SLCO1A2: variants seen among roughly 807,000 people sequenced by gnomAD.
SLCO1A2 encodes the protein OATP-1.
Under a neutral mutation model 69.0 loss-of-function variants are expected in SLCO1A2, and 67 were observed. The ratio of observed to expected loss-of-function variants is 0.97; its 90% CI spans 0.80 to 1.19. The LOEUF is 1.19. SLCO1A2 is among the 50% of genes most tolerant of loss of function. SLCO1A2 has a pLI of 0.00. For missense variants in SLCO1A2, 787 were observed against 793.7 expected (o/e 0.99, Z 0.10); for synonymous variants, 260 against 265.9 (o/e 0.98, Z 0.22).
intron 3 of SLCO1A2, 147 bp from the exon 4 acceptor site, chr12:21,314,828 A>AT: frequency 1.5e-6 from 1 of 672,054 alleles, no homozygotes; most frequent in Non-Finnish European, 2.5e-6. Context: ...TAAATAATAA[A>AT]TGAATATAAC....
chr12:21,364,597 G>A (rs1242985632), intron 2 of SLCO1A2, among the ~76,000 whole-genome samples: 1 of 152,174 alleles, frequency 6.6e-6, no homozygotes, highest in Non-Finnish European at 1.5e-5. Flanking sequence ...AGGAAAAGAG[G>A]AAGTCAAATT....
At chr12:21,387,291 C>G (rs1940927209) in intron 1 of SLCO1A2, among the ~76,000 whole-genome samples, 2 of 152,204 alleles carry the variant, frequency 1.3e-5, no homozygotes, top group African/African-American at 4.8e-5. Flanking sequence ...AAATGCTAAT[C>G]ACCAAGATGA....
At chr12:21,294,159 CTT>C (rs1305280178) in intron 10 of SLCO1A2, 49 bp from the exon 11 acceptor site, 3 of 1,375,780 alleles carry the variant, frequency 2.2e-6, no homozygotes, top group Non-Finnish European at 2.9e-6. Flanking sequence ...GGATTCAATC[CTT>C]TTTTTCTTCT....
intron 1 of SLCO1A2, among the ~76,000 whole-genome samples, chr12:21,380,858 A>C (rs1940539400): frequency 6.6e-6 from 1 of 151,820 alleles, no homozygotes; most frequent in Admixed American, 6.6e-5. Flanking sequence ...GGGCCCCCCA[A>C]CCCAACCCAC....
intron 2 of SLCO1A2, among the ~76,000 whole-genome samples, chr12:21,330,752 G>T (rs1211661061): frequency 6.6e-6 from 1 of 152,134 alleles, no homozygotes; most frequent in Non-Finnish European, 1.5e-5. Context: ...AGTGTTGCAT[G>T]AGTGTACTTT....
At chr12:21,317,418 C>T (rs1356253713) in intron 3 of SLCO1A2, among the ~76,000 whole-genome samples, 1 of 152,192 alleles carries the variant, frequency 6.6e-6, no homozygotes, top group African/African-American at 2.4e-5. Flanking sequence ...TGCTTAACCT[C>T]ATTTCTTCTC....
intron 12 of SLCO1A2, among the ~76,000 whole-genome samples, chr12:21,284,192 T>C (rs1945305438): frequency 6.6e-6 from 1 of 151,890 alleles, no homozygotes; most frequent in South Asian, 2.1e-4. Context: ...GATGAATGGA[T>C]AAAGAAAATG....
intron 12 of SLCO1A2, among the ~76,000 whole-genome samples, chr12:21,284,252 G>C (rs1245681083): frequency 5.3e-5 from 8 of 152,104 alleles, no homozygotes; most frequent in Admixed American, 3.9e-4. Flanking sequence ...AAAAGAATGA[G>C]GGGGAGGAGC....
intron 2 of SLCO1A2, among the ~76,000 whole-genome samples, chr12:21,328,819 G>C (rs1401791888): frequency 1.3e-5 from 2 of 152,078 alleles, no homozygotes; most frequent in African/African-American, 4.8e-5. Flanking sequence ...CCAGGACAGT[G>C]AGCAAAGGGG....
upstream of SLCO1A2, among the ~76,000 whole-genome samples, chr12:21,339,381 C>T (rs145146354): frequency 1.5e-3 from 223 of 152,004 alleles, 1 homozygote; most frequent in Middle Eastern, 6.8e-3. Context: ...TTCATTTGAA[C>T]GATCACTTGA....
At chr12:21,369,919 A>G (rs1320245068) in intron 2 of SLCO1A2, among the ~76,000 whole-genome samples, 3 of 152,154 alleles carry the variant, frequency 2.0e-5, no homozygotes, top group African/African-American at 7.2e-5. Context: ...GAGCATGTAA[A>G]CTCTGAAGCT....
At chr12:21,311,883 G>GCTAGC (rs1950211166) in intron 4 of SLCO1A2, 5 of 152,002 alleles carry the variant, frequency 3.3e-5, no homozygotes, top group African/African-American at 1.2e-4. Flanking sequence ...CTGAGATCAC[G>GCTAGC]CCACTGCACT....
exon 1 of SLCO1A2, chr12:21,417,934 A>G (rs2137214457): frequency 6.6e-6 from 1 of 152,344 alleles, no homozygotes; most frequent in Admixed American, 6.5e-5. Context: ...TTCCCACTAA[A>G]GAACACAGCT....
At chr12:21,329,991 G>T (rs1017060610) in intron 2 of SLCO1A2, among the ~76,000 whole-genome samples, 1 of 151,862 alleles carries the variant, frequency 6.6e-6, no homozygotes, top group Non-Finnish European at 1.5e-5. Flanking sequence ...TGAATTAAAA[G>T]GCATCTTTGG....
intron 4 of SLCO1A2, 92 bp downstream of exon 4, chr12:21,314,457 G>A (rs1950617577): frequency 7.2e-7 from 1 of 1,382,468 alleles, no homozygotes; most frequent in South Asian, 1.2e-5. Context: ...GCCCTATGCT[G>A]TTGGAAAGCA....
chr12:21,265,326 G>A lies in SLCO1A2; in HGVS notation c.*4222C>T, dbSNP rs1941959753. 6.6e-6 allele frequency: 1 copy of A among 152,414 alleles called. No homozygotes were observed. Among genetic ancestry groups the A allele is most frequent in the African/African-American group, 2.4e-5 (1 of 41,452 alleles). 9.4% of individuals were successfully genotyped at this position (152,414 alleles called of 1,614,324 possible). A position where few individuals can be genotyped will look rare whatever the true frequency, so the allele number is the denominator to read the frequency against. The stretch of plus-strand genomic sequence containing the variant: ...ACAGCATGCATTCTGGGCAGGGTGG[G>A]ACACAGTGAAGGGATGGAAGGTGGT... On this transcript the variant is annotated 3_prime_UTR_variant, in exon 15 of 15. Coordinates refer to ENST00000683939, the MANE Select transcript of SLCO1A2 (RefSeq NM_001386879.1).
chr12:21,314,622 T>A lies in SLCO1A2; in HGVS notation c.262A>T (p.Met88Leu). 6.2e-7 allele frequency: 1 copy of A among 1,613,528 alleles called. No individual in the cohort carries two copies. Among genetic ancestry groups the A allele is most frequent in the Non-Finnish European group, 8.5e-7 (1 of 1,179,406 alleles). The stretch of plus-strand genomic sequence containing the variant: ...ATAACCACACATCCAATGCCAATCA[T>A]TATAGGTCTATGCAGTTTGGTTCCA... ...YFGTKLHRPI[M>L]IGIGCVVMGL... The change falls in exon 4 of 15, where the codon ATG becomes TTG. Residue 88 changes from methionine to leucine, a missense_variant. Met to Leu is a conservative substitution (Grantham distance 15, BLOSUM62 2). Transcript: ENST00000683939.
chr12:21,363,647 T>C (rs993285401), intron 2 of SLCO1A2, among the ~76,000 whole-genome samples: 11 of 152,086 alleles, frequency 7.2e-5, no homozygotes, highest in Non-Finnish European at 1.5e-4. Context: ...GATAGACTGC[T>C]AGCAAGACTA....
At chr12:21,338,731 CAT>C (rs1424101910), upstream of SLCO1A2, among the ~76,000 whole-genome samples, 7 of 151,872 alleles carry the variant, frequency 4.6e-5, no homozygotes, top group East Asian at 1.9e-4. Flanking sequence ...TAAGTACAAA[CAT>C]ATGTATTTCC....
Sources: allele counts gnomAD v4.1 joint callset (sites outside exome capture counted in the v4.1 genomes callset), GRCh38; gene constraint gnomAD v4.1.1; transcripts MANE v1.5; gene names NCBI Gene and HGNC (gene_info 2026-07-23, HGNC 2026-07-21).